MERTK: variants seen among roughly 807,000 people sequenced by gnomAD.
MERTK encodes tyrosine-protein kinase Mer.
A neutral mutation model predicts 99.3 loss-of-function variants in MERTK; 69 were observed. The observed-to-expected ratio is 0.70, with a 90% CI of 0.57 to 0.85. MERTK has a LOEUF of 0.85. Among genes scored for constraint, MERTK ranks in the 40% least tolerant of loss-of-function variants. The pLI is 0.00. For synonymous variants in MERTK, 426 were observed against 467.6 expected, an observed-to-expected ratio of 0.91 and a Z score of 1.15; for missense variants, 1,125 against 1,249.4, an observed-to-expected ratio of 0.90 and a Z score of 1.50.
intron 2 of MERTK, among the ~76,000 whole-genome samples, chr2:111,935,743 C>T (rs957245547): frequency 2.7e-5 from 4 of 150,180 alleles, no homozygotes; most frequent in South Asian, 2.1e-4. Flanking sequence ...AAATACCAAA[C>T]ATACAAAGAA....
intron 6 of MERTK, among the ~76,000 whole-genome samples, chr2:111,968,809 G>A (rs918199173): frequency 1.7e-4 from 26 of 151,906 alleles, no homozygotes; most frequent in African/African-American, 4.8e-5. Flanking sequence ...GATTACAGGC[G>A]TGAGCCACCA....
intron 16 of MERTK, chr2:112,020,610 C>T: frequency 2.1e-6 from 1 of 471,154 alleles, no homozygotes; most frequent in South Asian, 1.5e-5. Flanking sequence ...CAAGCACCCA[C>T]CTGGCCATCT....
intron 4 of MERTK, among the ~76,000 whole-genome samples, chr2:111,958,115 C>T (rs941663185): frequency 3.9e-5 from 6 of 152,110 alleles, no homozygotes; most frequent in African/African-American, 7.2e-5. Flanking sequence ...CTAAGAGGGA[C>T]GACCTACCCA....
chr2:111,980,188 G>T (rs546278602), intron 7 of MERTK, among the ~76,000 whole-genome samples: 2 of 152,120 alleles, frequency 1.3e-5, no homozygotes, highest in African/African-American at 2.4e-5. Context: ...GTAGCCAAGT[G>T]GGGGAGGAGG....
intron 2 of MERTK, among the ~76,000 whole-genome samples, chr2:111,930,651 A>T (rs1332184309): frequency 1.3e-5 from 2 of 152,046 alleles, no homozygotes; most frequent in Non-Finnish European, 2.9e-5. Flanking sequence ...TCAGACCATC[A>T]TCTCAGTACT....
rs767607342 is a variant in MERTK at position 112,021,533 on chromosome 2, C to T, written c.2301C>T (p.Ile767=). 8.7e-5 allele frequency: 128 copies of T among 1,469,508 alleles called. 1 individual carries two copies. The highest frequency in any genetic ancestry group is 3.4e-4 in the South Asian group (24 of 71,596). 91.0% of individuals were successfully genotyped at this position (1,469,508 alleles called of 1,614,324 possible). ...TTGCTAAGATGCCTGTTAAATGGAT[C>T]GCCATAGAAAGTCTTGCAGACCGAG... is the stretch of plus-strand genomic sequence containing the variant. ...GRIAKMPVKW[I]AIESLADRVY... Residue 767 remains isoleucine (I), a synonymous_variant, in exon 17 of 19, where the codon ATC becomes ATT. Coordinates refer to ENST00000295408, the MANE Select transcript of MERTK (RefSeq NM_006343.3).
At position 112,026,314 on chromosome 2, in the gene MERTK, G is replaced by A. The variant is rs1156780916; in HGVS notation, c.2487-2037G>A. Reference sequence around the variant, plus strand: ...AAGTGATATTGATACTATTCTACTTGGAAATAAAGATAAATTATTTAAATA... The same window carrying A: ...AAGTGATATTGATACTATTCTACTTAGAAATAAAGATAAATTATTTAAATA... On this transcript the variant is annotated intron_variant, in intron 18 of 18. Coordinates refer to ENST00000295408, the MANE Select transcript of MERTK (RefSeq NM_006343.3). 5.3e-5 allele frequency: 8 copies of A among 152,064 alleles called. No homozygotes were observed. The East Asian group carries it at 1.5e-3, about 29-fold the overall frequency. 9.4% of individuals were successfully genotyped at this position (152,064 alleles called of 1,614,324 possible). A position where few individuals can be genotyped will look rare whatever the true frequency, so the allele number is the denominator to read the frequency against.
intron 2 of MERTK, among the ~76,000 whole-genome samples, chr2:111,938,236 C>G (rs1004994351): frequency 1.3e-5 from 2 of 148,220 alleles, no homozygotes; most frequent in African/African-American, 5.0e-5. Flanking sequence ...GCCACTGTAC[C>G]TAGCTGTTTT....
chr2:112,021,324 G>A, intron 16 of MERTK, 98 bp from the exon 17 acceptor site: 1 of 1,554,904 alleles, frequency 6.4e-7, no homozygotes, highest in Non-Finnish European at 8.8e-7. Flanking sequence ...GTGTTCTTTT[G>A]GTCAATTATC....
intron 8 of MERTK, among the ~76,000 whole-genome samples, chr2:111,986,217 A>G (rs1252054234): frequency 6.6e-6 from 1 of 152,240 alleles, no homozygotes; most frequent in Admixed American, 6.5e-5. Context: ...TAAAAGTCAC[A>G]GCTGCGAGAG....
intron 7 of MERTK, among the ~76,000 whole-genome samples, chr2:111,976,193 G>A (rs72825621): frequency 0.065 from 9,807 of 151,956 alleles, 368 homozygotes; most frequent in African/African-American, 0.11. Context: ...CTCCCTGGGC[G>A]CACCACCCTC....
rs748173979 is a variant in MERTK, at chr2:112,001,237, G to C, written c.1641G>C (p.Val547=). The C allele has an allele frequency of 1.9e-6, 3 of 1,613,778 alleles. No homozygotes were observed. In the South Asian group the frequency reaches 3.3e-5, roughly 18 times the overall value. The part of the protein sequence containing the change: ...AFTEEDSELV[V]NYIAKKSFCR... ...CAGAGGAGGATTCTGAATTAGTGGT[G>C]AATTATATAGCAAAGAAATCCTTCT... is the stretch of plus-strand genomic sequence containing the variant. The change falls in exon 11 of 19, where the codon GTG becomes GTC. Residue 547 remains valine, a synonymous_variant. Transcript: ENST00000295408.
chr2:111,936,677 C>T (rs1364023628), intron 2 of MERTK, among the ~76,000 whole-genome samples: 1 of 152,132 alleles, frequency 6.6e-6, no homozygotes, highest in African/African-American at 2.4e-5. Flanking sequence ...TTCACCTGGC[C>T]TCCTTTATGA....
chr2:111,941,402 C>G (rs1434625138), intron 2 of MERTK, among the ~76,000 whole-genome samples: 1 of 152,200 alleles, frequency 6.6e-6, no homozygotes, highest in African/African-American at 2.4e-5. Context: ...CTGTGCTGCC[C>G]AGCCGGGGGC....
At chr2:111,932,371 C>T (rs1428780041) in intron 2 of MERTK, among the ~76,000 whole-genome samples, 3 of 152,058 alleles carry the variant, frequency 2.0e-5, no homozygotes, top group Admixed American at 6.5e-5. Flanking sequence ...TTAGTAGAGA[C>T]GGGATTTCAC....
At chr2:111,999,005 TA>T (rs1363475687) in intron 10 of MERTK, among the ~76,000 whole-genome samples, 1 of 152,206 alleles carries the variant, frequency 6.6e-6, no homozygotes, top group Non-Finnish European at 1.5e-5. Context: ...AGTAACATTA[TA>T]TTTTTTTAAA....
chr2:111,911,038 C>G lies in MERTK; in HGVS notation c.61+12242C>G, dbSNP rs139142700. On this transcript the variant is annotated intron_variant, in intron 1 of 18. Transcript: ENST00000295408. ...GAAGGTGATAACTCAATACGAAGCCCTATGCTATGGACTTCAGCTAACCTT... is the reference window on the plus strand; with the variant it reads ...GAAGGTGATAACTCAATACGAAGCCGTATGCTATGGACTTCAGCTAACCTT... Among the ~76,000 whole-genome samples, 253 of 152,228 alleles carry G rather than the reference C, an allele frequency of 1.7e-3. 2 individuals are homozygous for G. Among genetic ancestry groups the G allele is most frequent in the African/African-American group, 5.7e-3 (238 of 41,530 alleles).
intron 4 of MERTK, among the ~76,000 whole-genome samples, chr2:111,950,013 C>G (rs1011500752): frequency 3.3e-5 from 5 of 152,136 alleles, no homozygotes; most frequent in African/African-American, 7.2e-5. Context: ...TCTTGGCTTA[C>G]TGCAAGCTCC....
chr2:111,899,642 C>G (rs933464152), intron 1 of MERTK, among the ~76,000 whole-genome samples: 2 of 152,074 alleles, frequency 1.3e-5, no homozygotes, highest in African/African-American at 2.4e-5. Flanking sequence ...CTCAGCCTCC[C>G]GAGTAGCTGA....
Sources: allele counts gnomAD v4.1 joint callset (sites outside exome capture counted in the v4.1 genomes callset), GRCh38; gene constraint gnomAD v4.1.1; transcripts MANE v1.5; gene names NCBI Gene and HGNC (gene_info 2026-07-23, HGNC 2026-07-21).